Variants in ADH1B observed in about 807,000 individuals in gnomAD.
The protein encoded by ADH1B is alcohol dehydrogenase 1B (class I), beta polypeptide.
Under a neutral mutation model 34.6 loss-of-function variants are expected in ADH1B, and 29 were observed. The ratio of observed to expected loss-of-function variants is 0.84; its 90% confidence interval spans 0.62 to 1.14. ADH1B has a LOEUF of 1.14. Among genes scored for constraint, ADH1B ranks in the 50% most tolerant of loss-of-function variants. The probability of loss-of-function intolerance (pLI) is 0.00; values close to 1 mark genes in which losing one functional copy is unlikely to be tolerated. For missense variants in ADH1B, 424 were observed against 468.4 expected (o/e 0.91, Z 0.87); for synonymous variants, 170 against 175.5 (o/e 0.97, Z 0.25).
At chr4:99,309,145 C>T (rs1479058445) in intron 8 of ADH1B, among the ~76,000 whole-genome samples, 1 of 151,796 alleles carries the variant, frequency 6.6e-6, no homozygotes, top group Non-Finnish European at 1.5e-5. Context: ...AAATTATTTT[C>T]CTTGTGTTGA....
At chr4:99,312,595 C>T (rs1733781451) in intron 6 of ADH1B, among the ~76,000 whole-genome samples, 1 of 152,132 alleles carries the variant, frequency 6.6e-6, no homozygotes, top group Non-Finnish European at 1.5e-5. Flanking sequence ...ATGTGTTTCC[C>T]ATTGCAATTG....
chr4:99,307,657 G>T lies in ADH1B; in HGVS notation c.*183C>A. 1.3e-6 allele frequency: 1 copy of T among 785,466 alleles called. No homozygotes were observed. Among genetic ancestry groups the T allele is most frequent in the Non-Finnish European group, 2.1e-6 (1 of 483,908 alleles). The allele number at this position is 785,466 out of a possible 1,614,324, so 48.7% of individuals were successfully genotyped here. A position where few individuals can be genotyped will look rare whatever the true frequency, so the allele number is the denominator to read the frequency against. ...TCAACACTTTATTTACTTCTCACTT[G>T]AATTTTAAATTTTCCTGAAAAATAA... On this transcript the variant is annotated 3_prime_UTR_variant, in exon 9 of 9. Coordinates refer to ENST00000305046, the MANE Select transcript of ADH1B (RefSeq NM_000668.6).
rs1733649257 is a variant in ADH1B at position 99,307,809 on chromosome 4, G to T, written c.*31C>A. The T allele has an allele frequency of 6.2e-7, 1 of 1,612,622 alleles. No individual in the cohort carries two copies. The highest frequency in any genetic ancestry group is 8.5e-7 in the Non-Finnish European group (1 of 1,178,842). ...ATCTTGTAGGGTAGAGGAGGCTGAA[G>T]ACTGCTACAGGGGAAGGCATCTCTA... On this transcript the variant is annotated 3_prime_UTR_variant, in exon 9 of 9. Coordinates refer to ENST00000305046, the MANE Select transcript of ADH1B (RefSeq NM_000668.6).
chr4:99,313,076 G>A (rs934788632), intron 6 of ADH1B, among the ~76,000 whole-genome samples: 3 of 151,122 alleles, frequency 2.0e-5, no homozygotes, highest in Non-Finnish European at 2.9e-5. Context: ...ACCCAGGCTG[G>A]AGTGCAATGG....
At chr4:99,320,834 A>C in intron 1 of ADH1B, 1 of 1,228,398 alleles carries the variant, frequency 8.1e-7, no homozygotes, top group Non-Finnish European at 1.0e-6. Flanking sequence ...GTATTTTGTA[A>C]GATATTTTAT....
At position 99,305,908 on chromosome 4, in the gene ADH1B, A is replaced by G. The variant is rs1444991114; in HGVS notation, c.*1932T>C. 6.6e-6 allele frequency: 1 copy of G among 152,198 alleles called. No homozygotes were observed. The highest frequency in any genetic ancestry group is 1.5e-5 in the Non-Finnish European group (1 of 68,076). 9.4% of individuals were successfully genotyped at this position (152,198 alleles called of 1,614,324 possible). A position where few individuals can be genotyped will look rare whatever the true frequency, so the allele number is the denominator to read the frequency against. Reference sequence around the variant, plus strand: ...GATCTCACACAATCAGCATCAGTGTAAAAGCCGCAGAGCACCCAGCAACAG... The same window carrying G: ...GATCTCACACAATCAGCATCAGTGTGAAAGCCGCAGAGCACCCAGCAACAG... On this transcript the variant is annotated 3_prime_UTR_variant, in exon 9 of 9. Transcript: ENST00000305046.
At chr4:99,310,707 C>T (rs1733727377) in intron 8 of ADH1B, 58 bp downstream of exon 8, 6 of 1,570,306 alleles carry the variant, frequency 3.8e-6, no homozygotes, top group Non-Finnish European at 5.2e-6. Context: ...TCATTCTCTG[C>T]TAGACAATCC....
chr4:99,305,466 T>TTACAGACCCA lies in ADH1B; in HGVS notation c.*2364_*2373dup, dbSNP rs1215321664. The TTACAGACCCA allele has an allele frequency of 1.4e-5, 2 of 144,550 alleles. No homozygotes were observed. The highest frequency in any genetic ancestry group is 3.0e-5 in the Non-Finnish European group (2 of 66,452). 9.0% of individuals were successfully genotyped at this position (144,550 alleles called of 1,614,324 possible). A position where few individuals can be genotyped will look rare whatever the true frequency, so the allele number is the denominator to read the frequency against. ...GAAGGCACTTCTGTGGAATACTTGA[T>TTACAGACCCA]TACAGACCCAGCCAATACTTTCTAC... On this transcript the variant is annotated 3_prime_UTR_variant, in exon 9 of 9. Transcript: ENST00000305046.
chr4:99,317,930 G>A, intron 3 of ADH1B, 116 bp downstream of exon 3: 2 of 1,519,252 alleles, frequency 1.3e-6, no homozygotes, highest in Non-Finnish European at 1.8e-6. Flanking sequence ...CTGAAGTCCT[G>A]GCTGCGCGGT....
At position 99,305,594 on chromosome 4, in the gene ADH1B, TATATATATATATATAC is replaced by T. The variant is rs1330129080; in HGVS notation, c.*2230_*2245del. On this transcript the variant is annotated 3_prime_UTR_variant, in exon 9 of 9. Coordinates refer to ENST00000305046, the MANE Select transcript of ADH1B (RefSeq NM_000668.6). ...ATATATATATATATATATATATATA[TATATATATATATATAC>T]AATCACTTAACTATATGAACCACTT... is the stretch of plus-strand genomic sequence containing the variant. 41 of 120,410 alleles carry T rather than the reference TATATATATATATATAC, an allele frequency of 3.4e-4. No individual in the cohort carries two copies. Among genetic ancestry groups the T allele is most frequent in the Admixed American group, 3.3e-4 (4 of 12,120 alleles). The allele number at this position is 120,410 out of a possible 1,614,324, so 7.5% of individuals were successfully genotyped here. A position where few individuals can be genotyped will look rare whatever the true frequency, so the allele number is the denominator to read the frequency against.
rs1344497066 is a variant in ADH1B, at chr4:99,314,070, G to T, written c.579C>A (p.Gly193=). The T allele has an allele frequency of 8.1e-6, 13 of 1,613,660 alleles. No individual in the cohort carries two copies. Among genetic ancestry groups the T allele is most frequent in the Admixed American group, 1.7e-5 (1 of 59,938 alleles). ...CCAGGCCAAACACAGCACAGGTAGA[G>T]CCTGGGGTGACCTGTGTTTTCAGAA... ...SAVNVAKVTP[G]STCAVFGLGG... Residue 193 remains glycine (G), a synonymous_variant, in exon 6 of 9, where the codon GGC becomes GGA. Coordinates refer to ENST00000305046, the MANE Select transcript of ADH1B (RefSeq NM_000668.6).
chr4:99,313,903 T>G lies in ADH1B; in HGVS notation c.746A>C (p.Lys249Thr). 1 of 1,614,120 alleles carries G rather than the reference T, an allele frequency of 6.2e-7. No individual in the cohort carries two copies. Among genetic ancestry groups the G allele is most frequent in the South Asian group, 1.1e-5 (1 of 91,076 alleles). ...TTCCTTTAGCACTTCCTGAATGGGT[T>G]TCTTGTAGTCTTGAGGGTTGATGCA... The part of the protein sequence containing the change: ...TECINPQDYK[K>T]PIQEVLKEMT... Residue 249 changes from lysine to threonine, a missense_variant, in exon 6 of 9, where the codon AAA becomes ACA. This residue lies in a region of ADH1B where 3 missense variants were observed against 16.2 expected (regional missense o/e 0.19). Coordinates refer to ENST00000305046, the MANE Select transcript of ADH1B (RefSeq NM_000668.6).
In ADH1B at chr4:99,316,056, G is replaced by A. The variant is rs1050829576; in HGVS notation, c.409C>T (p.Pro137Ser). ...CTGGTGCCAAGGAAGTGGTGAATGGGCTTCCCCCTGCAGGTGAACCTCCTG... is the reference window on the plus strand; with the variant it reads ...CTGGTGCCAAGGAAGTGGTGAATGGACTTCCCCCTGCAGGTGAACCTCCTG... ...GTRRFTCRGK[P>S]IHHFLGTSTF... is the part of the protein sequence containing the mutation. The change falls in exon 5 of 9, where the codon CCC becomes TCC. Residue 137 changes from proline (P) to serine (S), a missense_variant. By Grantham distance (74) the Pro-to-Ser change is moderately conservative. Coordinates refer to ENST00000305046, the MANE Select transcript of ADH1B (RefSeq NM_000668.6). 2 of 1,614,070 alleles carry A rather than the reference G, an allele frequency of 1.2e-6. No homozygotes were observed. Among genetic ancestry groups the A allele is most frequent in the Non-Finnish European group, 1.7e-6 (2 of 1,180,038 alleles).
At chr4:99,314,836 G>A (rs565065864) in intron 5 of ADH1B, 2 of 152,182 alleles carry the variant, frequency 1.3e-5, no homozygotes, top group Non-Finnish European at 2.9e-5. Context: ...ACAGAAATTT[G>A]GAAAAGATGC....
intron 3 of ADH1B, 27 bp downstream of exon 3, chr4:99,318,019 C>A (rs1553912875): frequency 1.2e-6 from 2 of 1,612,468 alleles, no homozygotes; most frequent in Non-Finnish European, 1.7e-6. Context: ...GTGAACCACA[C>A]GTGTTCCCTG....
chr4:99,310,740 A>C, intron 8 of ADH1B, 25 bp downstream of exon 8: 2 of 1,596,998 alleles, frequency 1.3e-6, no homozygotes, highest in Non-Finnish European at 1.7e-6. Flanking sequence ...AAAAAAGCAA[A>C]ACAGAAAACT....
intron 6 of ADH1B, among the ~76,000 whole-genome samples, chr4:99,312,869 A>T (rs1230446505): frequency 1.3e-5 from 2 of 152,056 alleles, no homozygotes; most frequent in Non-Finnish European, 2.9e-5. Flanking sequence ...AAGAAAAAAA[A>T]GTCAGCTGAC....
chr4:99,314,199 C>A, intron 5 of ADH1B, 118 bp from the exon 6 acceptor site: 1 of 1,483,134 alleles, frequency 6.7e-7, no homozygotes. Context: ...TTTGTCCAAC[C>A]GTTTATCAAA....
Position 99,307,667 on chromosome 4 carries a change from T to G in ADH1B, c.*173A>C. 1.2e-6 allele frequency: 1 copy of G among 846,060 alleles called. No homozygotes were observed. The highest frequency in any genetic ancestry group is 1.9e-6 in the Non-Finnish European group (1 of 537,298). The allele number at this position is 846,060 out of a possible 1,614,324, so 52.4% of individuals were successfully genotyped here. Reference sequence around the variant, plus strand: ...ATTTACTTCTCACTTGAATTTTAAATTTTCCTGAAAAATAATTTCCCATCA... The same window carrying G: ...ATTTACTTCTCACTTGAATTTTAAAGTTTCCTGAAAAATAATTTCCCATCA... On this transcript the variant is annotated 3_prime_UTR_variant, in exon 9 of 9. Coordinates refer to ENST00000305046, the MANE Select transcript of ADH1B (RefSeq NM_000668.6).
Sources: allele counts gnomAD v4.1 joint callset (sites outside exome capture counted in the v4.1 genomes callset), GRCh38; gene constraint gnomAD v4.1.1; regional missense constraint gnomAD v4.1.1; transcripts MANE v1.5; gene names NCBI Gene and HGNC (gene_info 2026-07-23, HGNC 2026-07-21).